IL1RAPL1: variants seen among roughly 807,000 people sequenced by gnomAD.
The protein encoded by IL1RAPL1 is interleukin 1 receptor accessory protein like 1, also known as interleukin-1 receptor accessory protein-like 1.
IL1RAPL1 carries 3 observed loss-of-function variants against 48.4 expected under a neutral mutation model. The observed-to-expected ratio is 0.06, with a 90% CI of 0.03 to 0.16. IL1RAPL1 has a LOEUF of 0.16. IL1RAPL1 is among the 10% of genes least tolerant of loss of function. The pLI is 1.00. For missense variants in IL1RAPL1, 349 were observed against 530.6 expected (o/e 0.66, Z 3.36); for synonymous variants, 185 against 187.7 (o/e 0.99, Z 0.12).
intron 2 of IL1RAPL1, among the ~76,000 whole-genome samples, chrX:28,794,883 T>C (rs1160004689): frequency 8.9e-6 from 1 of 112,070 alleles, no homozygotes; most frequent in Non-Finnish European, 1.9e-5. Context: ...TGAATAGGAA[T>C]GAGAAAGTCT....
At chrX:29,319,627 CA>C (rs1399697677) in intron 3 of IL1RAPL1, among the ~76,000 whole-genome samples, 1 of 107,408 alleles carries the variant, frequency 9.3e-6, no homozygotes, top group African/African-American at 3.4e-5. Flanking sequence ...TGTTGTCTCT[CA>C]TTTTTTTTTT....
intron 2 of IL1RAPL1, among the ~76,000 whole-genome samples, chrX:29,060,288 A>G (rs758483158): frequency 4.3e-4 from 48 of 111,898 alleles, no homozygotes; most frequent in African/African-American, 1.5e-3. Context: ...AAGTCATTTC[A>G]TTATCATTTT....
chrX:28,650,740 T>TA (rs1342176794), intron 1 of IL1RAPL1, among the ~76,000 whole-genome samples: 3 of 111,887 alleles, frequency 2.7e-5, no homozygotes, highest in Admixed American at 9.5e-5. Context: ...AGGTAGTTTT[T>TA]ATTAGCCCCA....
At chrX:29,558,158 T>C (rs1922067167) in intron 5 of IL1RAPL1, among the ~76,000 whole-genome samples, 1 of 111,698 alleles carries the variant, frequency 9.0e-6, no homozygotes, top group Non-Finnish European at 1.9e-5. Flanking sequence ...CCACCATCAG[T>C]GCACAGAGGT....
intron 6 of IL1RAPL1, among the ~76,000 whole-genome samples, chrX:29,732,145 A>C (rs1208756315): frequency 1.8e-5 from 2 of 112,152 alleles, no homozygotes; most frequent in African/African-American, 6.5e-5. Flanking sequence ...AGGCACAAGG[A>C]ATGGCCTAAA....
At chrX:29,479,165 T>G (rs1258967181) in intron 5 of IL1RAPL1, among the ~76,000 whole-genome samples, 2 of 109,413 alleles carry the variant, frequency 1.8e-5, no homozygotes, top group Non-Finnish European at 3.8e-5. Context: ...ATCCCAGCAC[T>G]TGGAGAGGCC....
At chrX:28,978,575 T>G (rs747052817) in intron 2 of IL1RAPL1, among the ~76,000 whole-genome samples, 1 of 112,090 alleles carries the variant, frequency 8.9e-6, no homozygotes, top group African/African-American at 3.2e-5. Flanking sequence ...TTTTTAAAGA[T>G]TCCCCAATAT....
intron 2 of IL1RAPL1, among the ~76,000 whole-genome samples, chrX:29,140,626 A>G (rs981441247): frequency 6.2e-5 from 7 of 112,090 alleles, no homozygotes; most frequent in African/African-American, 2.3e-4. Context: ...CATTCAGACT[A>G]TTATAGCAAA....
At chrX:29,862,054 T>TA (rs1474687168) in intron 6 of IL1RAPL1, among the ~76,000 whole-genome samples, 7 of 100,306 alleles carry the variant, frequency 7.0e-5, no homozygotes, top group Admixed American at 4.5e-4. Context: ...AATTAAAAAA[T>TA]AAAAAAAAAT....
chrX:28,912,372 A>G (rs1044405165), intron 2 of IL1RAPL1, among the ~76,000 whole-genome samples: 2 of 110,901 alleles, frequency 1.8e-5, no homozygotes, highest in African/African-American at 6.6e-5. Flanking sequence ...AGGTTAAGAA[A>G]CTTGCTTAAA....
At chrX:29,864,924 C>T (rs776588806) in intron 6 of IL1RAPL1, among the ~76,000 whole-genome samples, 2 of 111,594 alleles carry the variant, frequency 1.8e-5, no homozygotes, top group Non-Finnish European at 3.8e-5. Flanking sequence ...CACTTCTAAC[C>T]AGTGGCAATT....
At chrX:28,840,623 T>C (rs1702927165) in intron 2 of IL1RAPL1, among the ~76,000 whole-genome samples, 1 of 111,051 alleles carries the variant, frequency 9.0e-6, no homozygotes, top group Non-Finnish European at 1.9e-5. Context: ...TTTTTGTGGA[T>C]AAAAGTATTT....
intron 5 of IL1RAPL1, among the ~76,000 whole-genome samples, chrX:29,478,826 C>T (rs1021491193): frequency 9.1e-6 from 1 of 110,463 alleles, no homozygotes; most frequent in Non-Finnish European, 1.9e-5. Flanking sequence ...ACTGCCTCCC[C>T]GTCTCAGGTC....
At chrX:28,708,629 A>AT (rs1935402842) in intron 1 of IL1RAPL1, among the ~76,000 whole-genome samples, 1 of 111,991 alleles carries the variant, frequency 8.9e-6, no homozygotes, top group African/African-American at 3.2e-5. Context: ...TTGTTCAGGT[A>AT]TAAAAAAGAA....
rs1185874270 is a variant in IL1RAPL1, at chrX:29,565,954, G to GT, written c.704-102464dup. ...ATATGTGGGGAAATTTTTTGTTGTTGTTTTTTTTTTTTGAGACGGAGTCTC... is the reference window on the plus strand; with the variant it reads ...ATATGTGGGGAAATTTTTTGTTGTTGTTTTTTTTTTTTTGAGACGGAGTCTC... On this transcript the variant is annotated intron_variant, in intron 5 of 10. Transcript: ENST00000378993. Among the ~76,000 whole-genome samples the GT allele has an allele frequency of 6.1e-3, 633 of 104,206 alleles. 5 individuals are homozygous for GT. The highest frequency in any genetic ancestry group is 0.017 in the African/African-American group (500 of 29,128). The allele number at this position is 104,206 out of a possible 115,157, so 90.5% of individuals were successfully genotyped here.
intron 5 of IL1RAPL1, among the ~76,000 whole-genome samples, chrX:29,437,690 A>AT (rs1370572682): frequency 2.7e-5 from 3 of 110,454 alleles, no homozygotes; most frequent in South Asian, 3.7e-4. Flanking sequence ...TAATCATGTG[A>AT]TTTTTCTTTA....
At chrX:29,907,318 C>CTAATTATAA (rs1336445919) in intron 6 of IL1RAPL1, among the ~76,000 whole-genome samples, 1 of 108,662 alleles carries the variant, frequency 9.2e-6, no homozygotes, top group African/African-American at 3.3e-5. Context: ...CTGAATTTTA[C>CTAATTATAA]TAATTATAAA....
At chrX:29,813,464 T>C (rs1930422259) in intron 6 of IL1RAPL1, among the ~76,000 whole-genome samples, 1 of 112,211 alleles carries the variant, frequency 8.9e-6, no homozygotes, top group African/African-American at 3.2e-5. Context: ...AAAAATCAGT[T>C]TGCTTGGGGC....
At chrX:29,282,563 C>T (rs1932218611) in intron 2 of IL1RAPL1, among the ~76,000 whole-genome samples, 1 of 111,918 alleles carries the variant, frequency 8.9e-6, no homozygotes, top group African/African-American at 3.2e-5. Flanking sequence ...CCAGTGCCCT[C>T]TCCCCACAAA....
Sources: allele counts gnomAD v4.1 joint callset (sites outside exome capture counted in the v4.1 genomes callset), GRCh38; gene constraint gnomAD v4.1.1; transcripts MANE v1.5; gene names NCBI Gene and HGNC (gene_info 2026-07-23, HGNC 2026-07-21).